Variants in KCNQ1 observed in about 807,000 individuals in gnomAD.
KCNQ1 encodes potassium voltage-gated channel subfamily Q member 1, also known as potassium voltage-gated channel subfamily KQT member 1.
KCNQ1 carries 49 observed loss-of-function variants against 72.4 expected under a neutral mutation model. The ratio of observed to expected loss-of-function variants is 0.68; its 90% confidence interval spans 0.54 to 0.86. The LOEUF (loss-of-function observed/expected upper bound fraction) is 0.86. KCNQ1 is among the 40% of genes least tolerant of loss of function. The pLI is 0.00. For missense variants in KCNQ1, 790 were observed against 945.1 expected (o/e 0.84, Z 2.15); for synonymous variants, 450 against 412.6 (o/e 1.09, Z -1.10).
Position 2,479,014 on chromosome 11 carries a change from T to G in KCNQ1, c.386+33530T>G, listed in dbSNP as rs2133609017. ...CAGTGGGGCAGTTAAATCTTAATGC[T>G]CCAAAATGATCTCCATTGACTCCAT... On this transcript the variant is annotated intron_variant, in intron 1 of 15. Coordinates refer to ENST00000155840, the MANE Select transcript of KCNQ1 (RefSeq NM_000218.3). This position sits in a 1 kb window ranked among gnomAD's most constrained non-coding sequence, Gnocchi z 4.6. 6.6e-6 allele frequency among the ~76,000 whole-genome samples: 1 copy of G among 152,306 alleles called. No individual in the cohort carries two copies.
intron 11 of KCNQ1, chr11:2,680,594 G>C (rs546676046): frequency 3.0e-5 from 12 of 398,300 alleles, no homozygotes; most frequent in African/African-American, 2.5e-4. Context: ...AGTCTCCCCC[G>C]ATAGTAACAT....
In KCNQ1 at chr11:2,787,643, T is replaced by G. The variant is rs951878999; in HGVS notation, c.1794+9606T>G. Among the ~76,000 whole-genome samples the G allele has an allele frequency of 6.6e-6, 1 of 152,214 alleles. No individual in the cohort carries two copies. Among genetic ancestry groups the G allele is most frequent in the Non-Finnish European group, 1.5e-5 (1 of 68,042 alleles). On this transcript the variant is annotated intron_variant, in intron 15 of 15. Coordinates refer to ENST00000155840, the MANE Select transcript of KCNQ1 (RefSeq NM_000218.3). The surrounding 1 kb of genome is among the most constrained non-coding windows in gnomAD (Gnocchi z 6.3). ...TATCATTTCAATATATAATTAATATTTTTAAAACTCTTAAAATTGTTGACA... is the reference window on the plus strand; with the variant it reads ...TATCATTTCAATATATAATTAATATGTTTAAAACTCTTAAAATTGTTGACA...
chr11:2,667,485 A>C, intron 11 of KCNQ1: 1 of 398,420 alleles, frequency 2.5e-6, no homozygotes, highest in African/African-American at 2.1e-5. Flanking sequence ...TGTGACAGAG[A>C]GAACATTCAC....
rs1181158150 is a variant in KCNQ1, at chr11:2,672,328, G to A, written c.1514+10247G>A. On this transcript the variant is annotated intron_variant, in intron 11 of 15. Transcript: ENST00000155840. ...AGGTGGGAGCTCAAGGGGGCCTGGTGTGGTGGGTGCAGAAGCAGTGTGGTG... is the reference window on the plus strand; with the variant it reads ...AGGTGGGAGCTCAAGGGGGCCTGGTATGGTGGGTGCAGAAGCAGTGTGGTG... 5 of 398,608 alleles carry A rather than the reference G, an allele frequency of 1.3e-5. No homozygotes were observed. In the South Asian group the frequency reaches 3.8e-4, roughly 30 times the overall value. The allele number at this position is 398,608 out of a possible 1,614,324, so 24.7% of individuals were successfully genotyped here.
chr11:2,767,953 T>C lies in KCNQ1; in HGVS notation c.1515-891T>C, dbSNP rs78832092. Among the ~76,000 whole-genome samples, 2,612 of 152,282 alleles carry C rather than the reference T, an allele frequency of 0.017. 118 individuals carry two copies. Among genetic ancestry groups the C allele is most frequent in the East Asian group, 0.13 (687 of 5,170 alleles). ...CCCACTGGGCCCCCACCCTGTTGGG[T>C]GTCAGTGCTCCCCAAACTGACAAGT... On this transcript the variant is annotated intron_variant, in intron 11 of 15. Transcript: ENST00000155840. This position sits in a 1 kb window ranked among gnomAD's most constrained non-coding sequence, Gnocchi z 4.6.
In KCNQ1 at chr11:2,663,100, G is replaced by C; in HGVS notation, c.1514+1019G>C. The stretch of plus-strand genomic sequence containing the variant: ...CAGAATGAGGCCACCTCCAGGGAAG[G>C]AGTGGCTATCTTAAGGGGTAATTAT... On this transcript the variant is annotated intron_variant, in intron 11 of 15. Coordinates refer to ENST00000155840, the MANE Select transcript of KCNQ1 (RefSeq NM_000218.3). This position sits in a 1 kb window ranked among gnomAD's most constrained non-coding sequence, Gnocchi z 5.2. 1 of 398,668 alleles carries C rather than the reference G, an allele frequency of 2.5e-6. No homozygotes were observed. Among genetic ancestry groups the C allele is most frequent in the Non-Finnish European group, 4.4e-6 (1 of 226,116 alleles). The allele number at this position is 398,668 out of a possible 1,614,324, so 24.7% of individuals were successfully genotyped here. A position where few individuals can be genotyped will look rare whatever the true frequency, so the allele number is the denominator to read the frequency against.
At chr11:2,496,854 C>T (rs1458138497) in intron 1 of KCNQ1, among the ~76,000 whole-genome samples, 1 of 91,460 alleles carries the variant, frequency 1.1e-5, no homozygotes, top group Non-Finnish European at 2.4e-5. Flanking sequence ...GTGCTTCCTT[C>T]AGGAGCTCTT....
chr11:2,686,913 A>G, intron 11 of KCNQ1: 2 of 398,672 alleles, frequency 5.0e-6, no homozygotes, highest in Non-Finnish European at 8.8e-6. Context: ...AACCCAATCC[A>G]GGTCCATGCA....
At position 2,711,182 on chromosome 11, in the gene KCNQ1, G is replaced by A. The variant is rs1850997286; in HGVS notation, c.1514+49101G>A. 6.6e-6 allele frequency among the ~76,000 whole-genome samples: 1 copy of A among 152,170 alleles called. No individual in the cohort carries two copies. The highest frequency in any genetic ancestry group is 2.4e-5 in the African/African-American group (1 of 41,448). The stretch of plus-strand genomic sequence containing the variant: ...TCTCATAGTTTTCAGTATAGTTTTT[G>A]CACTACTTTGTAAATCCTACAGGGT... On this transcript the variant is annotated intron_variant, in intron 11 of 15. Transcript: ENST00000155840. The surrounding 1 kb of genome is among the most constrained non-coding windows in gnomAD (Gnocchi z 5.4).
In KCNQ1 at chr11:2,670,871, A is replaced by G. The variant is rs1429871920; in HGVS notation, c.1514+8790A>G. 2.5e-6 allele frequency: 1 copy of G among 398,480 alleles called. No homozygotes were observed. The highest frequency in any genetic ancestry group is 3.6e-5 in the East Asian group (1 of 28,082). The allele number at this position is 398,480 out of a possible 1,614,324, so 24.7% of individuals were successfully genotyped here. A position where few individuals can be genotyped will look rare whatever the true frequency, so the allele number is the denominator to read the frequency against. On this transcript the variant is annotated intron_variant, in intron 11 of 15. Coordinates refer to ENST00000155840, the MANE Select transcript of KCNQ1 (RefSeq NM_000218.3). The surrounding 1 kb of genome is among the most constrained non-coding windows in gnomAD (Gnocchi z 4.9). ...AAAGGTCCTCACTGGCCAGTGGGCC[A>G]CTGGGAAGCCTCCTGGATTGCCTGG...
chr11:2,637,745 C>T (rs899105189), intron 10 of KCNQ1: 1 of 152,186 alleles, frequency 6.6e-6, no homozygotes, highest in Non-Finnish European at 1.5e-5. Flanking sequence ...TCCTTGTTAA[C>T]TTCCGGTCTT....
At position 2,478,087 on chromosome 11, in the gene KCNQ1, C is replaced by T. The variant is rs1218655165; in HGVS notation, c.386+32603C>T. 6.6e-6 allele frequency among the ~76,000 whole-genome samples: 1 copy of T among 152,208 alleles called. No homozygotes were observed. The highest frequency in any genetic ancestry group is 1.5e-5 in the Non-Finnish European group (1 of 68,040). Reference sequence around the variant, plus strand: ...CACCAGGAATGGGACAGGCCAGCTTCACCACCCTCCGGATGGACAGCCTCG... The same window carrying T: ...CACCAGGAATGGGACAGGCCAGCTTTACCACCCTCCGGATGGACAGCCTCG... On this transcript the variant is annotated intron_variant, in intron 1 of 15. Transcript: ENST00000155840. The surrounding 1 kb of genome is among the most constrained non-coding windows in gnomAD (Gnocchi z 4.0).
chr11:2,624,787 T>C lies in KCNQ1; in HGVS notation c.1393+35933T>C. 1 of 398,594 alleles carries C rather than the reference T, an allele frequency of 2.5e-6. No individual in the cohort carries two copies. The highest frequency in any genetic ancestry group is 4.4e-6 in the Non-Finnish European group (1 of 226,054). The allele number at this position is 398,594 out of a possible 1,614,324, so 24.7% of individuals were successfully genotyped here. A position where few individuals can be genotyped will look rare whatever the true frequency, so the allele number is the denominator to read the frequency against. On this transcript the variant is annotated intron_variant, in intron 10 of 15. Coordinates refer to ENST00000155840, the MANE Select transcript of KCNQ1 (RefSeq NM_000218.3). The surrounding 1 kb of genome is among the most constrained non-coding windows in gnomAD (Gnocchi z 4.9). Reference sequence around the variant, plus strand: ...CTTGGAAACCACCTTGTACTTTCTATGTCTCTGATTTGACTATTCTACATA... The same window carrying C: ...CTTGGAAACCACCTTGTACTTTCTACGTCTCTGATTTGACTATTCTACATA...
chr11:2,647,977 G>C lies in KCNQ1; in HGVS notation c.1394-13984G>C, dbSNP rs1849691959. ...ACCTGTAAACCCAGTACTTTGGAAG[G>C]CCAAGGCAGGCCGATCGCTTGAGTC... On this transcript the variant is annotated intron_variant, in intron 10 of 15. Transcript: ENST00000155840. The surrounding 1 kb of genome is among the most constrained non-coding windows in gnomAD (Gnocchi z 4.0). 8 of 397,458 alleles carry C rather than the reference G, an allele frequency of 2.0e-5. No individual in the cohort carries two copies. The highest frequency in any genetic ancestry group is 3.5e-5 in the Non-Finnish European group (8 of 225,984). 24.6% of individuals were successfully genotyped at this position (397,458 alleles called of 1,614,324 possible).
chr11:2,708,323 C>T (rs926324532), intron 11 of KCNQ1, among the ~76,000 whole-genome samples: 4 of 152,194 alleles, frequency 2.6e-5, no homozygotes, highest in Non-Finnish European at 1.5e-5. Context: ...CATGGCTGAG[C>T]GGAACTTGGC....
At position 2,826,587 on chromosome 11, in the gene KCNQ1, G is replaced by A. The variant is rs1847846323; in HGVS notation, c.1795-21180G>A. On this transcript the variant is annotated intron_variant, in intron 15 of 15. Coordinates refer to ENST00000155840, the MANE Select transcript of KCNQ1 (RefSeq NM_000218.3). The surrounding 1 kb of genome is among the most constrained non-coding windows in gnomAD (Gnocchi z 4.2). ...GCAGACCTGCAGCTGGGCACCCACAGGGTAGAAATGCCCTGGATTGGCTGT... is the reference window on the plus strand; with the variant it reads ...GCAGACCTGCAGCTGGGCACCCACAAGGTAGAAATGCCCTGGATTGGCTGT... Among the ~76,000 whole-genome samples, 1 of 152,260 alleles carries A rather than the reference G, an allele frequency of 6.6e-6. No individual in the cohort carries two copies. The highest frequency in any genetic ancestry group is 2.4e-5 in the African/African-American group (1 of 41,474).
chr11:2,708,304 G>A (rs1774363492), intron 11 of KCNQ1, among the ~76,000 whole-genome samples: 1 of 152,208 alleles, frequency 6.6e-6, no homozygotes, highest in African/African-American at 2.4e-5. Flanking sequence ...CTGCGGCCCG[G>A]GCCGCTGGCA....
chr11:2,849,020 G>C lies in KCNQ1; in HGVS notation c.*1017G>C, dbSNP rs1356573092. ...TGGGCTGGGCACTGCTCTCACCTTG[G>C]TTCCTGGGGCATCCATGGGGTCTCT... On this transcript the variant is annotated 3_prime_UTR_variant, in exon 16 of 16. Transcript: ENST00000155840. The C allele has an allele frequency of 4.4e-6, 2 of 454,144 alleles. No homozygotes were observed. Among genetic ancestry groups the C allele is most frequent in the Admixed American group, 4.7e-5 (2 of 42,582 alleles). 28.1% of individuals were successfully genotyped at this position (454,144 alleles called of 1,614,324 possible). A position where few individuals can be genotyped will look rare whatever the true frequency, so the allele number is the denominator to read the frequency against.
intron 13 of KCNQ1, among the ~76,000 whole-genome samples, 169 bp from the exon 14 acceptor site, chr11:2,776,817 C>CT (rs1468713473): frequency 8.5e-5 from 13 of 152,186 alleles, no homozygotes; most frequent in South Asian, 6.2e-4. Context: ...GCATGGCCCT[C>CT]TGGGGGGTTG....
Sources: gnomAD v4.1 joint callset for allele counts (sites outside exome capture counted in the v4.1 genomes callset) on GRCh38, gnomAD v4.1.1 for gene constraint, Gnocchi (gnomAD v3.1) non-coding constraint, MANE v1.5 for transcripts, NCBI Gene and HGNC (gene_info 2026-07-23, HGNC 2026-07-21) for gene names.